The following SLC67A1 variants were observed in gnomAD, a reference collection of about 807,000 sequenced individuals.
SLC67A1 encodes the protein solute carrier family 67 member A1.
the SLC67A1 span, among the ~76,000 whole-genome samples, chr11:2,906,609 G>A: frequency 2.9e-3 from 433 of 151,730 alleles, 3 homozygotes; most frequent in Middle Eastern, 0.024. Context: ...GCAAACTATC[G>A]CAAGGACAGA....
chr11:2,909,525 G>GGCC, the SLC67A1 span: 4 of 795,040 alleles, frequency 5.0e-6, no homozygotes, highest in Non-Finnish European at 7.4e-6. Context: ...GTCAGGGGGG[G>GGCC]AAGGGCCCCA....
the SLC67A1 span, chr11:2,909,570 G>A: frequency 6.6e-7 from 1 of 1,525,908 alleles, no homozygotes; most frequent in Non-Finnish European, 8.8e-7. Flanking sequence ...CCCCCGCCCC[G>A]TCCCCAGCCG....
chr11:2,918,160 C>A, the SLC67A1 span: 8 of 1,302,238 alleles, frequency 6.1e-6, no homozygotes, highest in Non-Finnish European at 8.7e-6. Context: ...CGGCCAGGGC[C>A]CGGCCCTTCC....
chr11:2,909,489 G>A, the SLC67A1 span: 7 of 1,428,332 alleles, frequency 4.9e-6, no homozygotes, highest in Admixed American at 1.8e-4. Context: ...GGGGGGCGAC[G>A]TGGGGCGTGG....
the SLC67A1 span, chr11:2,919,275 G>T: frequency 1.3e-6 from 2 of 1,516,374 alleles, no homozygotes; most frequent in South Asian, 1.1e-5. Flanking sequence ...GGGTGTGGGG[G>T]TACTCACCCC....
the SLC67A1 span, chr11:2,917,857 C>T: frequency 1.5e-6 from 1 of 659,646 alleles, no homozygotes; most frequent in Non-Finnish European, 2.6e-6. Context: ...GTGAGCGGTG[C>T]TGAAGCCAAG....
chr11:2,923,257 C>T, the SLC67A1 span, among the ~76,000 whole-genome samples: 1 of 152,154 alleles, frequency 6.6e-6, no homozygotes, highest in Admixed American at 6.5e-5. The surrounding 1 kb of genome is among the most constrained non-coding windows in gnomAD (Gnocchi z 6.5). Context: ...TTCCAGGCCT[C>T]CCCAGCAGCA....
At chr11:2,912,680 G>C in the SLC67A1 span, among the ~76,000 whole-genome samples, 1 of 152,232 alleles carries the variant, frequency 6.6e-6, no homozygotes, top group African/African-American at 2.4e-5. Context: ...CCAGAGCCCA[G>C]GGCTGAGAGG....
At chr11:2,918,736 T>C in the SLC67A1 span, among the ~76,000 whole-genome samples, 2 of 151,900 alleles carry the variant, frequency 1.3e-5, no homozygotes, top group African/African-American at 4.8e-5. Context: ...TTGAGACCAC[T>C]GACCAGGCTG....
chr11:2,916,557 G>T, the SLC67A1 span: 1 of 1,200,384 alleles, frequency 8.3e-7, no homozygotes, highest in Non-Finnish European at 1.2e-6. Context: ...GCAGGTTGGG[G>T]GATGTGGCTG....
the SLC67A1 span, among the ~76,000 whole-genome samples, chr11:2,900,062 C>T: frequency 6.6e-6 from 1 of 152,016 alleles, no homozygotes; most frequent in African/African-American, 2.4e-5. Context: ...CTCCTGTCAC[C>T]CACCCCCACC....
chr11:2,903,622 A>C, the SLC67A1 span: 2 of 838,298 alleles, frequency 2.4e-6, no homozygotes, highest in African/African-American at 1.8e-5. Flanking sequence ...GTTGGGACTC[A>C]TGCCACGCTT....
chr11:2,905,933 C>T, the SLC67A1 span, among the ~76,000 whole-genome samples: 4 of 152,244 alleles, frequency 2.6e-5, no homozygotes, highest in East Asian at 1.9e-4. Flanking sequence ...TGCAGAGAAA[C>T]GGAGAGAGGA....
At chr11:2,914,826 G>A in the SLC67A1 span, 3 of 985,332 alleles carry the variant, frequency 3.0e-6, no homozygotes, top group East Asian at 1.1e-4. Context: ...CTGAGGCCAG[G>A]GTCCCAAAGA....
chr11:2,923,093 C>A, the SLC67A1 span, among the ~76,000 whole-genome samples: 2 of 152,206 alleles, frequency 1.3e-5, no homozygotes. This position sits in a 1 kb window ranked among gnomAD's most constrained non-coding sequence, Gnocchi z 6.5. Flanking sequence ...CGAAGAGAGC[C>A]GCTCATGCAG....
At chr11:2,903,799 C>T in the SLC67A1 span, 2 of 400,736 alleles carry the variant, frequency 5.0e-6, no homozygotes, top group Non-Finnish European at 9.3e-6. Context: ...TCTCACCCGG[C>T]AGCCTTTGCC....
the SLC67A1 span, among the ~76,000 whole-genome samples, chr11:2,900,978 A>G: frequency 3.3e-5 from 5 of 152,130 alleles, no homozygotes; most frequent in Admixed American, 2.0e-4. Context: ...CAGCTTCTAA[A>G]CACAAAGGTG....
the SLC67A1 span, chr11:2,916,688 C>T: frequency 6.2e-7 from 1 of 1,612,936 alleles, no homozygotes; most frequent in African/African-American, 1.3e-5. Flanking sequence ...GCTTCACCTG[C>T]ATCCCCGCCA....
the SLC67A1 span, chr11:2,919,649 C>T: frequency 3.7e-6 from 2 of 547,372 alleles, no homozygotes; most frequent in Non-Finnish European, 6.5e-6. Flanking sequence ...GGATCTGTGG[C>T]AGCCCACCTG....
Sources: gnomAD v4.1 joint callset for allele counts (sites outside exome capture counted in the v4.1 genomes callset) on GRCh38, gnomAD v4.1.1 for gene constraint, Gnocchi (gnomAD v3.1) non-coding constraint, MANE v1.5 for transcripts, NCBI Gene and HGNC (gene_info 2026-07-23, HGNC 2026-07-21) for gene names.